Variants in COL13A1 observed in about 807,000 individuals in gnomAD.
COL13A1 encodes collagen alpha-1(XIII) chain.
A neutral mutation model predicts 130.9 loss-of-function variants in COL13A1; 89 were observed. The ratio of observed to expected loss-of-function variants is 0.68; its 90% confidence interval spans 0.57 to 0.81. COL13A1 has a LOEUF of 0.81. Ranked by LOEUF, COL13A1 falls within the 30% of genes least tolerant of loss-of-function variation. The probability of loss-of-function intolerance (pLI) is 0.00; values close to 1 mark genes in which losing one functional copy is unlikely to be tolerated. For missense variants in COL13A1, 879 were observed against 934.6 expected, an observed-to-expected ratio of 0.94 and a Z score of 0.78; for synonymous variants, 402 against 341.6, an observed-to-expected ratio of 1.18 and a Z score of -1.95.
intron 28 of COL13A1, 63 bp from the exon 29 acceptor site, chr10:69,929,980 T>C (rs910447402): frequency 2.8e-6 from 4 of 1,432,440 alleles, no homozygotes; most frequent in Middle Eastern, 1.7e-4. Flanking sequence ...CACTAAGCAA[T>C]GCGTAACTGA....
rs1012688515 is a variant in COL13A1 at position 69,875,007 on chromosome 10, G to A, written c.400-121G>A. 2.8e-4 allele frequency: 327 copies of A among 1,172,662 alleles called. 1 individual carries two copies. The highest frequency in any genetic ancestry group is 1.3e-3 in the Middle Eastern group (7 of 5,260). The allele number at this position is 1,172,662 out of a possible 1,614,324, so 72.6% of individuals were successfully genotyped here. A position where few individuals can be genotyped will look rare whatever the true frequency, so the allele number is the denominator to read the frequency against. On this transcript the variant is annotated intron_variant, in intron 4 of 40. Transcript: ENST00000645393. ...ATGCTTGGGCATCATACGGGATGTCGTCCCCGCTGCAAACTGGGTTAGCTG... is the reference window on the plus strand; with the variant it reads ...ATGCTTGGGCATCATACGGGATGTCATCCCCGCTGCAAACTGGGTTAGCTG...
chr10:69,844,757 C>T (rs989197786), intron 2 of COL13A1, among the ~76,000 whole-genome samples: 11 of 152,190 alleles, frequency 7.2e-5, no homozygotes, highest in Non-Finnish European at 5.9e-5. Context: ...CCTCACCTGC[C>T]TTAAAGGATT....
intron 2 of COL13A1, among the ~76,000 whole-genome samples, chr10:69,838,976 G>T (rs1850856780): frequency 6.6e-6 from 1 of 152,254 alleles, no homozygotes; most frequent in Non-Finnish European, 1.5e-5. Context: ...ACACGTGCCA[G>T]TTGTTATTTT....
rs753497419 is a variant in COL13A1, at chr10:69,894,688, A to T, written c.644A>T (p.Gln215Leu). 3.1e-6 allele frequency: 5 copies of T among 1,614,024 alleles called. No individual in the cohort carries two copies. In the East Asian group the frequency reaches 1.1e-4, roughly 36 times the overall value. ...GTCTCTTTGTAGGGACCCCAGGGACAAAAAGGAGAAAAGGTAAGAGCAGTG... is the reference window on the plus strand; with the variant it reads ...GTCTCTTTGTAGGGACCCCAGGGACTAAAAGGAGAAAAGGTAAGAGCAGTG... ...GPPGQPGPQG[Q>L]KGEKGQCGEY... Residue 215 changes from glutamine to leucine, a missense_variant, in exon 12 of 41, where the codon CAA becomes CTA. Gln to Leu is a moderately radical substitution (Grantham distance 113). Around this residue, in one of 3 missense-constraint regions of COL13A1, gnomAD observed 715 missense variants for 721.0 expected, o/e 0.99. Coordinates refer to ENST00000645393, the MANE Select transcript of COL13A1 (RefSeq NM_001368882.1).
At chr10:69,804,714 G>A (rs1436385155) in intron 1 of COL13A1, among the ~76,000 whole-genome samples, 4 of 148,130 alleles carry the variant, frequency 2.7e-5, no homozygotes, top group South Asian at 2.1e-4. Flanking sequence ...AGCCTGCTGC[G>A]GGTCAGGCAT....
chr10:69,934,694 C>T (rs1413352949), intron 31 of COL13A1, among the ~76,000 whole-genome samples: 1 of 152,270 alleles, frequency 6.6e-6, no homozygotes, highest in East Asian at 1.9e-4. Flanking sequence ...GCTCCTCCAT[C>T]TTCACTGTCC....
intron 40 of COL13A1, 140 bp downstream of exon 40, chr10:69,957,182 T>C: frequency 1.4e-6 from 1 of 708,324 alleles, no homozygotes; most frequent in South Asian, 1.6e-5. Flanking sequence ...AGGGTGCCCA[T>C]TAAACATCCC....
intron 25 of COL13A1, among the ~76,000 whole-genome samples, chr10:69,925,345 G>A (rs1453381225): frequency 1.3e-5 from 2 of 152,232 alleles, no homozygotes; most frequent in Admixed American, 6.5e-5. Flanking sequence ...TACCTGTGGG[G>A]ATATTTAACC....
chr10:69,947,995 G>A (rs2068803877), intron 38 of COL13A1, among the ~76,000 whole-genome samples: 2 of 152,216 alleles, frequency 1.3e-5, no homozygotes, highest in South Asian at 4.1e-4. Context: ...GGGCCCAGCA[G>A]GGAGAATTTA....
Position 69,958,746 on chromosome 10 carries a change from A to G in COL13A1, c.*45A>G. ...GCCTGTGTGTGTGTTTGTACATAGA[A>G]TATTTATTTTTATACAGTTTTCACT... On this transcript the variant is annotated 3_prime_UTR_variant, in exon 41 of 41. Coordinates refer to ENST00000645393, the MANE Select transcript of COL13A1 (RefSeq NM_001368882.1). The G allele has an allele frequency of 6.2e-7, 1 of 1,611,724 alleles. No homozygotes were observed. The highest frequency in any genetic ancestry group is 8.5e-7 in the Non-Finnish European group (1 of 1,179,280).
intron 1 of COL13A1, among the ~76,000 whole-genome samples, chr10:69,807,423 A>T (rs1841881713): frequency 6.6e-6 from 1 of 152,256 alleles, no homozygotes. Context: ...CCCTAAAAAT[A>T]ACAACAATTA....
intron 2 of COL13A1, among the ~76,000 whole-genome samples, chr10:69,842,815 A>G (rs1343387432): frequency 6.6e-6 from 1 of 152,172 alleles, no homozygotes; most frequent in Admixed American, 6.5e-5. Context: ...CAGAGAGCCC[A>G]GCTCCCTGCC....
chr10:69,802,851 G>A, intron 1 of COL13A1, 134 bp downstream of exon 1: 2 of 1,172,942 alleles, frequency 1.7e-6, no homozygotes, highest in Admixed American at 4.0e-5. Context: ...CTGCGGGAGG[G>A]GTCGGGGACA....
At chr10:69,954,517 C>T (rs1013906741) in intron 39 of COL13A1, among the ~76,000 whole-genome samples, 38 of 152,348 alleles carry the variant, frequency 2.5e-4, no homozygotes, top group African/African-American at 8.9e-4. Context: ...GCCTGATCAG[C>T]CCTGTATCCC....
At chr10:69,915,507 G>A (rs1191940742) in intron 17 of COL13A1, among the ~76,000 whole-genome samples, 4 of 152,222 alleles carry the variant, frequency 2.6e-5, no homozygotes, top group Non-Finnish European at 5.9e-5. Flanking sequence ...GCCATCTCAG[G>A]CAGACATAAA....
chr10:69,943,563 A>AC (rs3838764), intron 35 of COL13A1, among the ~76,000 whole-genome samples: 2 of 150,266 alleles, frequency 1.3e-5, no homozygotes, highest in African/African-American at 2.5e-5. Context: ...ACCCTAATTC[A>AC]CCCCCCGATC....
At chr10:69,918,960 C>T (rs2064271627) in intron 19 of COL13A1, 102 bp from the exon 20 acceptor site, 1 of 1,390,528 alleles carries the variant, frequency 7.2e-7, no homozygotes, top group African/African-American at 1.4e-5. Context: ...GTTTCACTAA[C>T]CCCACCCTGA....
chr10:69,906,478 C>T (rs543435614), intron 17 of COL13A1, among the ~76,000 whole-genome samples: 2 of 152,274 alleles, frequency 1.3e-5, no homozygotes, highest in Admixed American at 6.5e-5. Context: ...CACATGGCCT[C>T]TTATCCTCCA....
chr10:69,844,706 G>A (rs981891260), intron 2 of COL13A1, among the ~76,000 whole-genome samples: 8 of 152,238 alleles, frequency 5.3e-5, no homozygotes, highest in African/African-American at 1.9e-4. Context: ...AAGTGTTTGA[G>A]TAGGACTTAA....
Sources: gnomAD v4.1 joint callset for allele counts (sites outside exome capture counted in the v4.1 genomes callset) on GRCh38, gnomAD v4.1.1 for gene constraint, gnomAD v4.1.1 regional missense constraint, MANE v1.5 for transcripts, NCBI Gene and HGNC (gene_info 2026-07-23, HGNC 2026-07-21) for gene names.